SUN3: variants seen among roughly 807,000 people sequenced by gnomAD.
SUN3 encodes Sad1 and UNC84 domain containing 3, also known as SUN domain-containing protein 3.
A neutral mutation model predicts 48.2 loss-of-function variants in SUN3; 36 were observed. The observed-to-expected ratio is 0.75, with a 90% CI of 0.57 to 0.99. The LOEUF is 0.99. SUN3 is among the 50% of genes least tolerant of loss of function. SUN3 has a pLI of 0.00. For missense variants in SUN3, 419 were observed against 433.1 expected, an observed-to-expected ratio of 0.97 and a Z score of 0.29; for synonymous variants, 148 against 147.9, an observed-to-expected ratio of 1.00 and a Z score of 0.00.
At chr7:47,997,753 C>A (rs560253142) in intron 6 of SUN3, among the ~76,000 whole-genome samples, 7 of 152,306 alleles carry the variant, frequency 4.6e-5, no homozygotes, top group Admixed American at 3.9e-4. Context: ...TCTCCCCAAG[C>A]CTTGGCAATT....
chr7:48,006,140 A>AT, intron 5 of SUN3, 87 bp from the exon 6 acceptor site: 1 of 974,768 alleles, frequency 1.0e-6, no homozygotes, highest in Non-Finnish European at 1.6e-6. Flanking sequence ...TTTGGACCTA[A>AT]TTTGCAAAAT....
At chr7:48,034,683 C>A in the SUN3 span, among the ~76,000 whole-genome samples, 2 of 152,154 alleles carry the variant, frequency 1.3e-5, no homozygotes, top group African/African-American at 4.8e-5. Flanking sequence ...CCTCACCAAG[C>A]ATATGCCAGA....
chr7:47,987,966 C>T (rs1788947689), intron 9 of SUN3, among the ~76,000 whole-genome samples: 1 of 152,142 alleles, frequency 6.6e-6, no homozygotes, highest in Non-Finnish European at 1.5e-5. Context: ...GCCAAGTGAC[C>T]TCTCTATTCC....
chr7:48,026,024 CAA>C, intron 1 of SUN3, 86 bp from the exon 2 acceptor site: 1 of 830,452 alleles, frequency 1.2e-6, no homozygotes, highest in Non-Finnish European at 2.0e-6. Context: ...CTCACGTCAA[CAA>C]ACTTACTTAT....
chr7:48,009,039 A>G lies in SUN3; in HGVS notation c.325T>C (p.Leu109=). The G allele has an allele frequency of 6.2e-7, 1 of 1,612,422 alleles. No homozygotes were observed. The highest frequency in any genetic ancestry group is 8.5e-7 in the Non-Finnish European group (1 of 1,179,462). ...LRMPKEQLEL[L]KKESQNLENN... ...ATAGCAAAAGATCGCACTCACTTTA[A>G]AAGTTCCAGTTGCTCTTTAGGCATA... Residue 109 remains leucine, a synonymous_variant, in exon 4 of 10, where the codon TTA becomes CTA. Coordinates refer to ENST00000297325, the MANE Select transcript of SUN3 (RefSeq NM_001030019.2).
Position 47,987,265 on chromosome 7 carries a change from C to T in SUN3, c.*65G>A. 6.4e-7 allele frequency: 1 copy of T among 1,553,142 alleles called. No individual in the cohort carries two copies. Among genetic ancestry groups the T allele is most frequent in the Admixed American group, 1.9e-5 (1 of 53,224 alleles). On this transcript the variant is annotated 3_prime_UTR_variant, in exon 10 of 10. Coordinates refer to ENST00000297325, the MANE Select transcript of SUN3 (RefSeq NM_001030019.2). Reference sequence around the variant, plus strand: ...TTCTCAATTCCTATGGGTGCGGTATCATCTAAGAGAATAAGCATTCTTGAA... The same window carrying T: ...TTCTCAATTCCTATGGGTGCGGTATTATCTAAGAGAATAAGCATTCTTGAA...
chr7:47,996,435 A>G (rs1420541167), intron 6 of SUN3, among the ~76,000 whole-genome samples: 1 of 152,236 alleles, frequency 6.6e-6, no homozygotes, highest in African/African-American at 2.4e-5. Flanking sequence ...TGGATTCTGT[A>G]TCACCTAAAA....
upstream of SUN3, among the ~76,000 whole-genome samples, chr7:48,032,180 T>C (rs1790264476): frequency 6.6e-6 from 1 of 152,094 alleles, no homozygotes; most frequent in African/African-American, 2.4e-5. Flanking sequence ...ATTCCAGGGA[T>C]CGAATGTACA....
rs957801371 is a variant in SUN3 at position 47,994,466 on chromosome 7, C to T, written c.710G>A (p.Gly237Glu). ...DIILQPDVYP[G>E]KCWAFPGSQG... The stretch of plus-strand genomic sequence containing the variant: ...GGAACCTGGAAAAGCCCAGCACTTT[C>T]CAGGGTAGACATCCGGCTGGAAAGA... Residue 237 changes from glycine to glutamate, a missense_variant, in exon 8 of 10, where the codon GGA becomes GAA. Transcript: ENST00000297325. 1 of 1,595,958 alleles carries T rather than the reference C, an allele frequency of 6.3e-7. No homozygotes were observed. The highest frequency in any genetic ancestry group is 1.7e-4 in the Middle Eastern group (1 of 6,004).
chr7:48,024,557 T>C (rs1790083291), intron 2 of SUN3, among the ~76,000 whole-genome samples: 1 of 152,182 alleles, frequency 6.6e-6, no homozygotes, highest in South Asian at 2.1e-4. Flanking sequence ...TTAATCCATT[T>C]GTGTTGCTGT....
chr7:47,996,962 G>T (rs145121835), intron 6 of SUN3, among the ~76,000 whole-genome samples: 1 of 151,814 alleles, frequency 6.6e-6, no homozygotes, highest in East Asian at 1.9e-4. Context: ...CCACCACGCC[G>T]GCTAAGTTTT....
chr7:48,034,278 AACC>A, the SUN3 span, among the ~76,000 whole-genome samples: 1 of 152,178 alleles, frequency 6.6e-6, no homozygotes, highest in African/African-American at 2.4e-5. Context: ...GAGCAGGATA[AACC>A]ACAGAATTAG....
intron 2 of SUN3, among the ~76,000 whole-genome samples, chr7:48,019,798 C>G (rs1789914900): frequency 1.3e-5 from 2 of 151,626 alleles, no homozygotes; most frequent in Non-Finnish European, 2.9e-5. Flanking sequence ...TAAAAAATCT[C>G]CCAGTAAAGA....
At chr7:48,027,910 T>C (rs1314784227) in intron 1 of SUN3, among the ~76,000 whole-genome samples, 5 of 152,198 alleles carry the variant, frequency 3.3e-5, no homozygotes, top group Non-Finnish European at 5.9e-5. Context: ...AAGAGCTCTT[T>C]TGGTGGGCTG....
At chr7:48,018,215 G>A (rs974772923) in intron 2 of SUN3, among the ~76,000 whole-genome samples, 4 of 152,160 alleles carry the variant, frequency 2.6e-5, no homozygotes, top group South Asian at 2.1e-4. Flanking sequence ...GAGCCAAGCT[G>A]CAAAGACTGA....
intron 6 of SUN3, among the ~76,000 whole-genome samples, chr7:48,002,560 C>G (rs1034978520): frequency 3.9e-5 from 6 of 152,042 alleles, no homozygotes; most frequent in Non-Finnish European, 7.4e-5. Context: ...TGTCCTTTGC[C>G]CACTTTTTAA....
At chr7:48,005,939 T>A (rs779767960) in intron 6 of SUN3, 30 bp downstream of exon 6, 1 of 1,455,836 alleles carries the variant, frequency 6.9e-7, no homozygotes, top group Admixed American at 1.9e-5. Context: ...TTTTTTTTAA[T>A]GTTCCTCTTT....
intron 6 of SUN3, among the ~76,000 whole-genome samples, chr7:48,002,321 G>C (rs924535926): frequency 6.9e-6 from 1 of 144,406 alleles, no homozygotes. Context: ...ACCACGCCCG[G>C]CTAATTTTTT....
rs1249811132 is a variant in SUN3, at chr7:48,029,030, GT to G, written c.-93del. 4.5e-6 allele frequency: 7 copies of G among 1,553,154 alleles called. No homozygotes were observed. The highest frequency in any genetic ancestry group is 6.1e-6 in the Non-Finnish European group (7 of 1,151,586). On this transcript the variant is annotated 5_prime_UTR_variant, in exon 1 of 10. Transcript: ENST00000297325. The stretch of plus-strand genomic sequence containing the variant: ...TGAAAAACATGAAGCTATACATACA[GT>G]TTCTAAATTTGTTTTGTATAATGTC...
Sources: allele counts gnomAD v4.1 joint callset (sites outside exome capture counted in the v4.1 genomes callset), GRCh38; gene constraint gnomAD v4.1.1; transcripts MANE v1.5; gene names NCBI Gene and HGNC (gene_info 2026-07-23, HGNC 2026-07-21).